Variants in PDLIM2 observed in about 807,000 individuals in gnomAD.
PDLIM2 encodes the protein PDZ and LIM domain 2.
PDLIM2 carries 51 observed loss-of-function variants against 54.1 expected under a neutral mutation model. The ratio of observed to expected loss-of-function variants is 0.94; its 90% confidence interval spans 0.75 to 1.19. PDLIM2 has a LOEUF of 1.19. Among genes scored for constraint, PDLIM2 ranks in the 50% most tolerant of loss-of-function variants. PDLIM2 has a pLI of 0.00. For missense variants in PDLIM2, 912 were observed against 874.0 expected (o/e 1.04, Z -0.55); for synonymous variants, 398 against 385.6 (o/e 1.03, Z -0.38).
At chr8:22,590,914 A>T (rs1482282974) in intron 8 of PDLIM2, 1 of 155,066 alleles carries the variant, frequency 6.4e-6, no homozygotes, top group East Asian at 1.9e-4. Flanking sequence ...GACAGGGCAC[A>T]CCTGGAGATT....
At chr8:22,594,844 G>T (rs11782130), downstream of PDLIM2, 254,672 of 749,776 alleles carry the variant, frequency 0.34, 43,556 homozygotes, top group South Asian at 0.37. Context: ...GAGCCCTCCT[G>T]GAGCTCAGGA....
At chr8:22,583,854 G>GAAAAA (rs530039600) in intron 3 of PDLIM2, among the ~76,000 whole-genome samples, 36 of 79,116 alleles carry the variant, frequency 4.6e-4, no homozygotes, top group African/African-American at 1.2e-3. Flanking sequence ...AGGCAAAATA[G>GAAAAA]AAAAAAAAAA....
intron 3 of PDLIM2, among the ~76,000 whole-genome samples, chr8:22,583,330 C>A (rs566572357): frequency 6.6e-6 from 1 of 152,084 alleles, no homozygotes; most frequent in Non-Finnish European, 1.5e-5. Flanking sequence ...AGGAGTGACG[C>A]GCTCAAAGGC....
chr8:22,585,042 G>A (rs1319847733), exon 5 of PDLIM2: 1 of 1,614,012 alleles, frequency 6.2e-7, no homozygotes. Flanking sequence ...TACACTGAGA[G>A]TCAGTCCTCC....
rs1305034335 is a variant in PDLIM2, at chr8:22,579,478, G to A, written c.699G>A (p.Trp233Ter). The A allele has an allele frequency of 2.6e-6, 4 of 1,513,746 alleles. No homozygotes were observed. Among genetic ancestry groups the A allele is most frequent in the Admixed American group, 4.1e-5 (2 of 49,340 alleles). 93.8% of individuals were successfully genotyped at this position (1,513,746 alleles called of 1,614,324 possible). ...CTGGTAGAGCCGGGCCATCGGGCTGGGCACCTCCCCGCGGCGCCCGCAGCG... is the reference window on the plus strand; with the variant it reads ...CTGGTAGAGCCGGGCCATCGGGCTGAGCACCTCCCCGCGGCGCCCGCAGCG... Residue 233 changes from tryptophan (W) to a stop codon, truncating the protein, a stop_gained, in exon 1 of 10, where the codon TGG (tryptophan) becomes TGA (stop). Transcript: ENST00000308354. LOFTEE classifies it high-confidence loss of function.
rs531653055 is a variant in PDLIM2 at position 22,593,714 on chromosome 8, G to T, written c.1632-19G>T. 8.3e-6 allele frequency: 13 copies of T among 1,558,772 alleles called. No homozygotes were observed. The East Asian group carries it at 2.8e-4, about 34-fold the overall frequency. On this transcript the variant is annotated intron_variant, in intron 9 of 9. Transcript: ENST00000308354. ...CTTGGTGCTGTGGCTCTGAGCTAAA[G>T]CCTCTCCCTCCCCTTCAGGAACCAG...
At chr8:22,594,672 C>A, downstream of PDLIM2, 2 of 1,597,664 alleles carry the variant, frequency 1.3e-6, no homozygotes, top group Non-Finnish European at 1.7e-6. Context: ...TCCTGAGGAC[C>A]GGCCGCCCAC....
chr8:22,585,382 C>G, exon 6 of PDLIM2: 2 of 1,611,202 alleles, frequency 1.2e-6, no homozygotes, highest in Non-Finnish European at 1.7e-6. Context: ...CTACTCAGGC[C>G]GCCCTGGAAG....
At chr8:22,584,079 G>C (rs982214998) in intron 3 of PDLIM2, among the ~76,000 whole-genome samples, 4 of 151,756 alleles carry the variant, frequency 2.6e-5, no homozygotes, top group Admixed American at 6.6e-5. Context: ...TTGGCTCACT[G>C]TAACCTCTGC....
At chr8:22,587,902 G>A (rs1025429602) in intron 6 of PDLIM2, 3 of 152,296 alleles carry the variant, frequency 2.0e-5, no homozygotes, top group African/African-American at 4.8e-5. Context: ...CCTGCTGGTA[G>A]GCACATGCCT....
chr8:22,584,831 A>G (rs765198224), exon 4 of PDLIM2: 2 of 1,613,984 alleles, frequency 1.2e-6, no homozygotes, highest in Admixed American at 1.7e-5. Context: ...GTCTCAGGCT[A>G]CGTCTCCAGG....
At chr8:22,580,407 C>T in intron 1 of PDLIM2, 68 bp from the exon 1 acceptor site, 2 of 1,347,370 alleles carry the variant, frequency 1.5e-6, no homozygotes, top group South Asian at 1.5e-5. Context: ...GCATGGCTTC[C>T]CAGGGTGGGG....
At chr8:22,587,402 G>A (rs1800409501) in intron 6 of PDLIM2, among the ~76,000 whole-genome samples, 1 of 152,102 alleles carries the variant, frequency 6.6e-6, no homozygotes. Flanking sequence ...GAGTCTTAAA[G>A]GCTCTAAGAG....
intron 1 of PDLIM2, chr8:22,580,549 C>T (rs1800157069): frequency 8.1e-6 from 13 of 1,612,152 alleles, no homozygotes; most frequent in Non-Finnish European, 1.1e-5. Flanking sequence ...CCTTACAGTG[C>T]CCCCAGAGCC....
At chr8:22,591,861 C>G (rs1461568029) in intron 9 of PDLIM2, 193 bp downstream of exon 8, 4 of 510,180 alleles carry the variant, frequency 7.8e-6, no homozygotes, top group Non-Finnish European at 1.4e-5. Flanking sequence ...CCTAGGCTAG[C>G]TGCTTCCGGC....
chr8:22,591,543 G>A lies in PDLIM2; in HGVS notation c.1514-8G>A, dbSNP rs748836861. The A allele has an allele frequency of 1.9e-6, 3 of 1,612,596 alleles. No individual in the cohort carries two copies. Among genetic ancestry groups the A allele is most frequent in the African/African-American group, 2.7e-5 (2 of 74,902 alleles). On this transcript the variant is annotated splice_region_variant and splice_polypyrimidine_tract_variant and intron_variant, in intron 8 of 9. Coordinates refer to ENST00000308354, the Ensembl canonical transcript of PDLIM2. ...CTCTCACCACATGTCTGTCTGCCCT[G>A]CCCCCAGGTGGCACGCCAGCCTTCT...
chr8:22,585,574 G>T (rs1049308516), intron 6 of PDLIM2, 175 bp downstream of exon 5: 2 of 323,512 alleles, frequency 6.2e-6, no homozygotes, highest in African/African-American at 1.1e-4. Context: ...TCTGGTCGTG[G>T]GCCACCTGTG....
exon 10 of PDLIM2, chr8:22,593,915 G>C (rs186534297): frequency 1.3e-6 from 2 of 1,547,636 alleles, no homozygotes; most frequent in African/African-American, 1.4e-5. Flanking sequence ...GCCTGAGCCC[G>C]CCATGCCCTC....
At chr8:22,582,198 G>C (rs1037094688) in intron 3 of PDLIM2, among the ~76,000 whole-genome samples, 1 of 152,182 alleles carries the variant, frequency 6.6e-6, no homozygotes, top group Non-Finnish European at 1.5e-5. Context: ...CCCTCTGCAC[G>C]GGCCTAGAAC....
Sources: gnomAD v4.1 joint callset for allele counts (sites outside exome capture counted in the v4.1 genomes callset) on GRCh38, gnomAD v4.1.1 for gene constraint, MANE v1.5 for transcripts, NCBI Gene and HGNC (gene_info 2026-07-23, HGNC 2026-07-21) for gene names.